The following WDR48 variants were observed in gnomAD, a reference collection of about 807,000 sequenced individuals.
WDR48 encodes the protein WD repeat-containing protein 48.
WDR48 carries 22 observed loss-of-function variants against 94.0 expected under a neutral mutation model. That is an observed-to-expected ratio of 0.23 (90% CI 0.17 to 0.33). The LOEUF is 0.33. WDR48 is among the 10% of genes least tolerant of loss of function. The probability of loss-of-function intolerance (pLI) is 1.00; values close to 1 mark genes in which losing one functional copy is unlikely to be tolerated. For missense variants in WDR48, 541 were observed against 813.8 expected (o/e 0.66, Z 4.08); for synonymous variants, 278 against 280.5 (o/e 0.99, Z 0.09).
intron 9 of WDR48, 111 bp downstream of exon 9, chr3:39,077,324 G>T: frequency 8.8e-7 from 1 of 1,135,186 alleles, no homozygotes; most frequent in South Asian, 1.4e-5. Context: ...GCATGCTTTT[G>T]GGCAGGGGCA....
chr3:39,070,047 A>T (rs779623457), intron 7 of WDR48, among the ~76,000 whole-genome samples: 39 of 152,238 alleles, frequency 2.6e-4, no homozygotes, highest in Non-Finnish European at 4.9e-4. Context: ...GGAAGCTTTG[A>T]TATCAAATGC....
intron 1 of WDR48, among the ~76,000 whole-genome samples, chr3:39,053,533 A>C (rs1007163885): frequency 1.3e-5 from 2 of 152,238 alleles, no homozygotes; most frequent in African/African-American, 4.8e-5. Flanking sequence ...GGTAGTGAGA[A>C]TGTCTCCTTG....
intron 11 of WDR48, among the ~76,000 whole-genome samples, chr3:39,080,996 G>A (rs776300551): frequency 7.2e-5 from 11 of 152,178 alleles, no homozygotes; most frequent in Non-Finnish European, 1.0e-4. Context: ...CCTTTCTTTT[G>A]TACTCCTAGA....
intron 9 of WDR48, 147 bp downstream of exon 9, chr3:39,077,360 G>A: frequency 1.4e-6 from 1 of 701,378 alleles, no homozygotes; most frequent in Non-Finnish European, 2.4e-6. Context: ...TGTGAATGTA[G>A]GTAGAATCCT....
chr3:39,073,778 G>C (rs912711560), intron 7 of WDR48, among the ~76,000 whole-genome samples: 3 of 152,318 alleles, frequency 2.0e-5, no homozygotes, highest in African/African-American at 2.4e-5. Flanking sequence ...TAACTCACTT[G>C]AGGCTCATAT....
At chr3:39,092,253 T>A (rs2035113958) in intron 17 of WDR48, among the ~76,000 whole-genome samples, 1 of 152,232 alleles carries the variant, frequency 6.6e-6, no homozygotes. Flanking sequence ...ATATAATAGT[T>A]GTTTTTATGG....
Position 39,085,504 on chromosome 3 carries a change from CTT to C in WDR48, c.1379-6_1379-5del. The C allele has an allele frequency of 6.2e-7, 1 of 1,603,280 alleles. No homozygotes were observed. The highest frequency in any genetic ancestry group is 8.5e-7 in the Non-Finnish European group (1 of 1,175,212). On this transcript the variant is annotated splice_polypyrimidine_tract_variant and intron_variant, in intron 13 of 18. Coordinates refer to ENST00000302313, the MANE Select transcript of WDR48 (RefSeq NM_020839.4). ...TTCCATTTTATCTCTTTTTAATTAA[CTT>C]TTTTGCAGTGAATTTAGGAGGACTT...
At position 39,084,136 on chromosome 3, in the gene WDR48, A is replaced by T; in HGVS notation, c.1174-19A>T. On this transcript the variant is annotated intron_variant, in intron 11 of 18. Transcript: ENST00000302313. ...TTCACCACTTAATATTGATCATTAT[A>T]CTTTCTTTTGATGTATAGGCATGTA... 6.3e-7 allele frequency: 1 copy of T among 1,584,494 alleles called. No homozygotes were observed. The highest frequency in any genetic ancestry group is 1.7e-5 in the Admixed American group (1 of 58,956).
At chr3:39,085,741 C>T in intron 14 of WDR48, 131 bp downstream of exon 14, 1 of 725,456 alleles carries the variant, frequency 1.4e-6, no homozygotes. Context: ...TCCTCTCTTC[C>T]ATATCTCAAA....
chr3:39,060,964 C>CA (rs1336828720), intron 1 of WDR48, among the ~76,000 whole-genome samples: 1 of 152,038 alleles, frequency 6.6e-6, no homozygotes. Flanking sequence ...AAGATTCTCT[C>CA]AAAAAATAAA....
At chr3:39,066,470 G>T in intron 3 of WDR48, 78 bp from the exon 4 acceptor site, 2 of 1,199,836 alleles carry the variant, frequency 1.7e-6, no homozygotes, top group Non-Finnish European at 2.4e-6. Flanking sequence ...TTGAAATAAT[G>T]TTACATTGTT....
intron 1 of WDR48, 153 bp downstream of exon 1, chr3:39,052,226 C>T (rs2032454588): frequency 3.4e-6 from 3 of 878,526 alleles, no homozygotes; most frequent in East Asian, 2.9e-5. Context: ...GGCCGCGGCG[C>T]TAACGGCTTG....
At chr3:39,077,693 C>T (rs563581905) in intron 9 of WDR48, among the ~76,000 whole-genome samples, 21 of 152,346 alleles carry the variant, frequency 1.4e-4, no homozygotes, top group Non-Finnish European at 3.1e-4. Context: ...ATCCAAAGTG[C>T]ACCGTTAATT....
At chr3:39,064,477 G>A (rs142323063) in intron 2 of WDR48, among the ~76,000 whole-genome samples, 4,386 of 152,168 alleles carry the variant, frequency 0.029, 215 homozygotes, top group African/African-American at 0.1. Flanking sequence ...GTTTCACCAT[G>A]TGGGTCAGGC....
intron 7 of WDR48, among the ~76,000 whole-genome samples, chr3:39,073,445 C>T (rs148884355): frequency 9.0e-4 from 137 of 152,168 alleles, no homozygotes; most frequent in African/African-American, 3.1e-3. Context: ...AATTTTTATT[C>T]CTGAAGGCCT....
intron 1 of WDR48, among the ~76,000 whole-genome samples, chr3:39,059,791 A>G (rs529800168): frequency 2.0e-5 from 3 of 152,302 alleles, no homozygotes; most frequent in East Asian, 3.9e-4. Context: ...GAAAGTGTTT[A>G]TTTATCCTCA....
At chr3:39,059,337 G>C (rs1400678855) in intron 1 of WDR48, among the ~76,000 whole-genome samples, 1 of 152,162 alleles carries the variant, frequency 6.6e-6, no homozygotes, top group Non-Finnish European at 1.5e-5. Context: ...GAAAGAGCTT[G>C]ATGTGTTTAC....
chr3:39,076,975 A>G (rs1262915383), intron 8 of WDR48, among the ~76,000 whole-genome samples, 164 bp from the exon 9 acceptor site: 1 of 152,236 alleles, frequency 6.6e-6, no homozygotes, highest in Non-Finnish European at 1.5e-5. Context: ...TTAGCAAAGA[A>G]AAAGACTCTC....
At chr3:39,058,285 GA>G (rs2033029301) in intron 1 of WDR48, among the ~76,000 whole-genome samples, 1 of 152,176 alleles carries the variant, frequency 6.6e-6, no homozygotes, top group South Asian at 2.1e-4. Flanking sequence ...TTAAGTGATT[GA>G]ATAGTGTTGT....
Sources: gnomAD v4.1 joint callset for allele counts (sites outside exome capture counted in the v4.1 genomes callset) on GRCh38, gnomAD v4.1.1 for gene constraint, MANE v1.5 for transcripts, NCBI Gene and HGNC (gene_info 2026-07-23, HGNC 2026-07-21) for gene names.